The following FGB variants were observed in gnomAD, a reference collection of about 807,000 sequenced individuals.
FGB encodes the protein fibrinogen beta chain, also known as beta-fibrinogen.
In FGB, 25 loss-of-function variants were observed where a neutral mutation model predicts 57.9. The observed-to-expected ratio is 0.43, with a 90% CI of 0.31 to 0.60. The LOEUF (loss-of-function observed/expected upper bound fraction) is 0.60. FGB is among the 20% of genes least tolerant of loss of function. The pLI is 0.08. For missense variants in FGB, 536 were observed against 598.4 expected (o/e 0.90, Z 1.09); for synonymous variants, 203 against 199.2 (o/e 1.02, Z -0.16).
rs543846564 is a variant in FGB at position 154,563,018 on chromosome 4, C to T, written c.-1C>T. ...ATTGAAGATCTCTCAGTTAAGTCTA[C>T]ATGAAAAGGATGGTTTCTTGGAGCT... On this transcript the variant is annotated 5_prime_UTR_variant, in exon 1 of 8. Transcript: ENST00000302068. 45 of 1,463,282 alleles carry T rather than the reference C, an allele frequency of 3.1e-5. 1 individual carries two copies. The South Asian group carries it at 5.2e-4, about 17-fold the overall frequency. 90.6% of individuals were successfully genotyped at this position (1,463,282 alleles called of 1,614,324 possible).
intron 1 of FGB, chr4:154,565,256 A>G (rs1730107756): frequency 4.6e-6 from 2 of 435,740 alleles, no homozygotes; most frequent in Non-Finnish European, 9.4e-6. Context: ...CCTACGGTCA[A>G]GACCTACAAG....
chr4:154,563,318 T>C (rs1284820602), intron 1 of FGB, among the ~76,000 whole-genome samples, 186 bp downstream of exon 1: 1 of 151,862 alleles, frequency 6.6e-6, no homozygotes, highest in Admixed American at 6.6e-5. Flanking sequence ...ACAAAGTAAT[T>C]TCTTGTTTTC....
intron 7 of FGB, 55 bp downstream of exon 7, chr4:154,569,854 A>G (rs915480213): frequency 2.5e-6 from 4 of 1,593,334 alleles, no homozygotes; most frequent in Non-Finnish European, 3.4e-6. Context: ...ATCATTACTC[A>G]GAATCATTAA....
rs1026417058 is a variant in FGB at position 154,572,006 on chromosome 4, A to G, written c.*1356A>G. On this transcript the variant is annotated 3_prime_UTR_variant, in exon 8 of 8. Coordinates refer to ENST00000302068, the MANE Select transcript of FGB (RefSeq NM_005141.5). ...CACAAGTTCTGTCCCACTGGAGCCC[A>G]TACTCACCTACCGCTTTGCCATCAC... Among the ~76,000 whole-genome samples the G allele has an allele frequency of 1.3e-5, 2 of 152,132 alleles. No homozygotes were observed. Among genetic ancestry groups the G allele is most frequent in the African/African-American group, 4.8e-5 (2 of 41,422 alleles).
rs779618187 is a variant in FGB, at chr4:154,566,015, T to A, written c.306+16T>A. ...CCCAGACCTGGTGGGTGCACTGATG[T>A]TTCTTGCAGTGGTGGCTCTCTCATG... On this transcript the variant is annotated intron_variant, in intron 2 of 7. Coordinates refer to ENST00000302068, the MANE Select transcript of FGB (RefSeq NM_005141.5). 2.0e-4 allele frequency: 329 copies of A among 1,609,570 alleles called. 1 individual carries two copies. The African/African-American group carries it at 4.1e-3, about 20-fold the overall frequency.
intron 5 of FGB, 150 bp from the exon 6 acceptor site, chr4:154,569,031 GT>G: frequency 1.2e-6 from 1 of 831,488 alleles, no homozygotes; most frequent in Non-Finnish European, 2.0e-6. Context: ...GATTTTACAA[GT>G]TTACCTCTCA....
At chr4:154,569,028 C>G (rs1464501456) in intron 5 of FGB, among the ~76,000 whole-genome samples, 154 bp from the exon 6 acceptor site, 1 of 152,168 alleles carries the variant, frequency 6.6e-6, no homozygotes, top group Non-Finnish European at 1.5e-5. Flanking sequence ...AAAGATTTTA[C>G]AAGTTTACCT....
intron 1 of FGB, 62 bp downstream of exon 1, chr4:154,563,194 TC>T: frequency 1.1e-5 from 8 of 721,284 alleles, no homozygotes; most frequent in Non-Finnish European, 1.7e-5. Context: ...TGTAACATAA[TC>T]ATATTATGTG....
rs764989450 is a variant in FGB at position 154,569,601 on chromosome 4, G to C, written c.1046G>C (p.Gly349Ala). 4.3e-6 allele frequency: 7 copies of C among 1,613,988 alleles called. No individual in the cohort carries two copies. The African/African-American group carries it at 9.3e-5, about 22-fold the overall frequency. ...TTGATAGAAATGGAGGACTGGAAAG[G>C]AGACAAAGTAAAGGCTCACTATGGA... ...ELLIEMEDWK[G>A]DKVKAHYGGF... Residue 349 changes from glycine (G) to alanine (A), a missense_variant, in exon 7 of 8, where the codon GGA becomes GCA. Coordinates refer to ENST00000302068, the MANE Select transcript of FGB (RefSeq NM_005141.5).
chr4:154,567,714 C>T lies in FGB; in HGVS notation c.612C>T (p.Asn204=), dbSNP rs1381636851. 6.2e-6 allele frequency: 10 copies of T among 1,613,856 alleles called. No individual in the cohort carries two copies. In the East Asian group the frequency reaches 1.1e-4, roughly 18 times the overall value. ...NLRVLRSILE[N]LRSKIQKLES... ...GTGTGCTTCGTTCAATCCTGGAAAA[C>T]CTGAGAAGCAAAATACAAAAGTTAG... The change falls in exon 4 of 8, where the codon AAC becomes AAT. Residue 204 remains asparagine, a synonymous_variant. Coordinates refer to ENST00000302068, the MANE Select transcript of FGB (RefSeq NM_005141.5).
At chr4:154,567,491 T>A (rs1730207748) in intron 3 of FGB, 102 bp from the exon 4 acceptor site, 1 of 736,602 alleles carries the variant, frequency 1.4e-6, no homozygotes, top group African/African-American at 1.7e-5. Context: ...GATAGCTCAG[T>A]GTTTAATAGT....
intron 1 of FGB, chr4:154,565,247 C>T: frequency 4.4e-6 from 2 of 450,300 alleles, no homozygotes; most frequent in Non-Finnish European, 9.2e-6. Flanking sequence ...TAAGTCAACC[C>T]TACGGTCAAG....
Position 154,569,534 on chromosome 4 carries a change from G to A in FGB, c.979G>A (p.Asp327Asn). Residue 327 changes from aspartate to asparagine, a missense_variant, in exon 7 of 8, where the codon GAT becomes AAT. Coordinates refer to ENST00000302068, the MANE Select transcript of FGB (RefSeq NM_005141.5). ...GLPGEYWLGNDKISQLTRMGP... is the reference protein window; with the variant it reads ...GLPGEYWLGNNKISQLTRMGP... The stretch of plus-strand genomic sequence containing the variant: ...TTTAGGTGAATATTGGCTTGGAAAT[G>A]ATAAAATTAGCCAGCTTACCAGGAT... The A allele has an allele frequency of 1.2e-6, 2 of 1,612,838 alleles. No homozygotes were observed. The highest frequency in any genetic ancestry group is 1.7e-4 in the Middle Eastern group (1 of 6,042).
chr4:154,563,649 T>C (rs1045086532), intron 1 of FGB, among the ~76,000 whole-genome samples: 2 of 151,932 alleles, frequency 1.3e-5, no homozygotes, highest in African/African-American at 2.4e-5. Context: ...AAATGAAATA[T>C]TGCTTTTTTC....
chr4:154,564,774 A>G (rs1730086893), intron 1 of FGB, among the ~76,000 whole-genome samples: 1 of 151,724 alleles, frequency 6.6e-6, no homozygotes, highest in South Asian at 2.1e-4. Context: ...AAAAAAAATG[A>G]GAATGTAGTT....
chr4:154,567,044 G>A (rs1730190595), intron 3 of FGB, among the ~76,000 whole-genome samples: 1 of 152,192 alleles, frequency 6.6e-6, no homozygotes, highest in Non-Finnish European at 1.5e-5. Context: ...TGTGGATAAT[G>A]ACACCTAACC....
chr4:154,569,795 G>A lies in FGB; in HGVS notation c.1240G>A (p.Gly414Ser), dbSNP rs141881199. 88 of 1,613,940 alleles carry A rather than the reference G, an allele frequency of 5.5e-5. No homozygotes were observed. In the Middle Eastern group the frequency reaches 4.1e-3, roughly 75 times the overall value. Residue 414 changes from glycine (G) to serine (S), a missense_variant, in exon 7 of 8, where the codon GGC (glycine) becomes AGC (serine). Coordinates refer to ENST00000302068, the MANE Select transcript of FGB (RefSeq NM_005141.5). Reference protein sequence around the residue: ...FFSTYDRDNDGWLTSDPRKQC... With the variant: ...FFSTYDRDNDSWLTSDPRKQC... ...CAGCACGTATGACAGAGACAATGACGGCTGGTATGTGTGGCACTCTTTGCT... is the reference window on the plus strand; with the variant it reads ...CAGCACGTATGACAGAGACAATGACAGCTGGTATGTGTGGCACTCTTTGCT...
intron 6 of FGB, 42 bp from the exon 7 acceptor site, chr4:154,569,472 A>G (rs1269536990): frequency 6.2e-7 from 1 of 1,602,082 alleles, no homozygotes; most frequent in Admixed American, 1.7e-5. Flanking sequence ...TAGTTTCCCA[A>G]AATTTTATTT....
rs1174619620 is a variant in FGB, at chr4:154,569,731, A to T, written c.1176A>T (p.Gly392=). ...ALMDGASQLM[G]ENRTMTIHNG... ...TGGATGGAGCATCTCAGCTGATGGG[A>T]GAAAACAGGACCATGACCATTCACA... The change falls in exon 7 of 8, where the codon GGA becomes GGT. Residue 392 remains glycine (G), a synonymous_variant. Transcript: ENST00000302068. The T allele has an allele frequency of 6.2e-7, 1 of 1,614,190 alleles. No homozygotes were observed. The highest frequency in any genetic ancestry group is 1.7e-5 in the Admixed American group (1 of 60,010).
Sources: gnomAD v4.1 joint callset for allele counts (sites outside exome capture counted in the v4.1 genomes callset) on GRCh38, gnomAD v4.1.1 for gene constraint, MANE v1.5 for transcripts, NCBI Gene and HGNC (gene_info 2026-07-23, HGNC 2026-07-21) for gene names.